The following PLCB3 variants were observed in gnomAD, a reference collection of about 807,000 sequenced individuals.
PLCB3 encodes 1-phosphatidylinositol 4,5-bisphosphate phosphodiesterase beta-3.
A neutral mutation model predicts 152.1 loss-of-function variants in PLCB3; 54 were observed. That is an observed-to-expected ratio of 0.36 (90% CI 0.29 to 0.45). The LOEUF (loss-of-function observed/expected upper bound fraction) is 0.45. Among genes scored for constraint, PLCB3 ranks in the 20% least tolerant of loss-of-function variants. PLCB3 has a pLI of 1.00. For missense variants in PLCB3, 1,248 were observed against 1,687.5 expected, an observed-to-expected ratio of 0.74 and a Z score of 4.56; for synonymous variants, 717 against 698.7, an observed-to-expected ratio of 1.03 and a Z score of -0.41.
chr11:64,255,631 G>GGGGT lies in PLCB3; in HGVS notation c.597+15_597+16insGGGT. On this transcript the variant is annotated intron_variant, in intron 7 of 30. Transcript: ENST00000279230. This position sits in a 1 kb window ranked among gnomAD's most constrained non-coding sequence, Gnocchi z 6.8. ...AATTCAACCGGGTGTGTGGGGTGGG[G>GGGGT]ACAGGGGCGGGGTGGGGTGTCACGG... 3.3e-6 allele frequency: 2 copies of GGGGT among 604,046 alleles called. No homozygotes were observed. The highest frequency in any genetic ancestry group is 6.2e-6 in the Non-Finnish European group (2 of 321,544). 37.4% of individuals were successfully genotyped at this position (604,046 alleles called of 1,614,324 possible).
rs2032044582 is a variant in PLCB3, at chr11:64,265,073, C to T, written c.2775C>T (p.Thr925=). The T allele has an allele frequency of 6.5e-7, 1 of 1,544,520 alleles. No individual in the cohort carries two copies. The highest frequency in any genetic ancestry group is 1.4e-5 in the African/African-American group (1 of 73,016). Residue 925 remains threonine, a synonymous_variant, in exon 23 of 31, where the codon ACC becomes ACT. Transcript: ENST00000279230. The stretch of plus-strand genomic sequence containing the variant: ...CCCGCCGGCCCCCTGGCCCCACCAC[C>T]TCCCCTGCCAGCACCTCCCTCAGCA... The part of the protein sequence containing the change: ...ASPRRPPGPT[T]SPASTSLSSP...
chr11:64,254,501 G>A lies in PLCB3; in HGVS notation c.177+9G>A. ...GGACGGGCCCCAACATGGTGAGGGTGGGCGCTGGTGCAGCTCGCTCAGGCC... is the reference window on the plus strand; with the variant it reads ...GGACGGGCCCCAACATGGTGAGGGTAGGCGCTGGTGCAGCTCGCTCAGGCC... On this transcript the variant is annotated intron_variant, in intron 2 of 30. Coordinates refer to ENST00000279230, the MANE Select transcript of PLCB3 (RefSeq NM_000932.5). The A allele has an allele frequency of 6.2e-7, 1 of 1,612,752 alleles. No individual in the cohort carries two copies. The highest frequency in any genetic ancestry group is 8.5e-7 in the Non-Finnish European group (1 of 1,179,118).
rs141269798 is a variant in PLCB3, at chr11:64,262,075, C to T, written c.2037C>T (p.Leu679=). 287 of 1,614,096 alleles carry T rather than the reference C, an allele frequency of 1.8e-4. 1 individual carries two copies. The South Asian group carries it at 2.5e-3, about 14-fold the overall frequency. ...TTGTTGCGCTCAACTTCCAGACCCTCGGTGAGCCCTGGCCCCCTCCATCTT... is the reference window on the plus strand; with the variant it reads ...TTGTTGCGCTCAACTTCCAGACCCTTGGTGAGCCCTGGCCCCCTCCATCTT... ...CQLVALNFQT[L]DVAMQLNAGV... is the part of the protein sequence containing the mutation. The change falls in exon 17 of 31, where the codon CTC becomes CTT. Residue 679 remains leucine, a splice_region_variant and synonymous_variant. Coordinates refer to ENST00000279230, the MANE Select transcript of PLCB3 (RefSeq NM_000932.5).
In PLCB3 at chr11:64,263,570, A is replaced by C. The variant is rs935071157; in HGVS notation, c.2428A>C (p.Ile810Leu). 6 of 1,611,364 alleles carry C rather than the reference A, an allele frequency of 3.7e-6. No individual in the cohort carries two copies. Among genetic ancestry groups the C allele is most frequent in the Non-Finnish European group, 4.2e-6 (5 of 1,178,948 alleles). The change falls in exon 20 of 31, where the codon ATC becomes CTC. Residue 810 changes from isoleucine to leucine, a missense_variant. Around this residue, in one of 6 missense-constraint regions of PLCB3, gnomAD observed 244 missense variants for 424.4 expected, o/e 0.57. Coordinates refer to ENST00000279230, the MANE Select transcript of PLCB3 (RefSeq NM_000932.5). ...GGGGGGTAAATTCGTAGGGCACCGG[A>C]TCCTGCCTGTCTCTGCCATCCGCTC... ...EEGGKFVGHR[I>L]LPVSAIRSGY...
rs2032161684 is a variant in PLCB3 at position 64,267,100 on chromosome 11, A to C, written c.3415-85A>C. On this transcript the variant is annotated intron_variant, in intron 29 of 30. Transcript: ENST00000279230. The surrounding 1 kb of genome is among the most constrained non-coding windows in gnomAD (Gnocchi z 5.2). ...TGAGCCACTGCACCCGGCCTCGCCC[A>C]CCTGACTTCTATACCCAGCCAGAGC... 7.9e-7 allele frequency: 1 copy of C among 1,260,184 alleles called. No individual in the cohort carries two copies. The highest frequency in any genetic ancestry group is 1.3e-5 in the South Asian group (1 of 77,978). 78.1% of individuals were successfully genotyped at this position (1,260,184 alleles called of 1,614,324 possible). A position where few individuals can be genotyped will look rare whatever the true frequency, so the allele number is the denominator to read the frequency against.
At position 64,255,214 on chromosome 11, in the gene PLCB3, C is replaced by A; in HGVS notation, c.388-20C>A. 2 of 1,603,158 alleles carry A rather than the reference C, an allele frequency of 1.2e-6. No homozygotes were observed. Among genetic ancestry groups the A allele is most frequent in the Non-Finnish European group, 1.7e-6 (2 of 1,170,914 alleles). On this transcript the variant is annotated intron_variant, in intron 4 of 30. Transcript: ENST00000279230. The surrounding 1 kb of genome is among the most constrained non-coding windows in gnomAD (Gnocchi z 6.8). ...CTGTGTCCCCCACTCACCGCCTCCC[C>A]GTGTATACTGGCCCCCCAGGTCTGG...
Position 64,260,326 on chromosome 11 carries a change from C to T in PLCB3, c.1731+92C>T, listed in dbSNP as rs1414947176. The T allele has an allele frequency of 3.4e-6, 3 of 875,340 alleles. No homozygotes were observed. In the African/African-American group the frequency reaches 5.1e-5, roughly 15 times the overall value. The allele number at this position is 875,340 out of a possible 1,614,324, so 54.2% of individuals were successfully genotyped here. On this transcript the variant is annotated intron_variant, in intron 14 of 30. Coordinates refer to ENST00000279230, the MANE Select transcript of PLCB3 (RefSeq NM_000932.5). ...ACCATCAACAAGACTGACATCACCC[C>T]TGCCTCCTGGGGCTCAGTGTGGGTG... is the stretch of plus-strand genomic sequence containing the variant.
At chr11:64,262,274 G>A in intron 17 of PLCB3, 133 bp from the exon 18 acceptor site, 5 of 1,308,076 alleles carry the variant, frequency 3.8e-6, no homozygotes, top group Non-Finnish European at 3.2e-6. Context: ...TCCTGGATCC[G>A]GACCCTGATG....
In PLCB3 at chr11:64,255,517, C is replaced by T. The variant is rs1290410503; in HGVS notation, c.522-24C>T. On this transcript the variant is annotated intron_variant, in intron 6 of 30. Transcript: ENST00000279230. The surrounding 1 kb of genome is among the most constrained non-coding windows in gnomAD (Gnocchi z 6.8). ...TGGTGACCTTTGTCCTCCACTGACC[C>T]TGAACCCCTCCTGCCCGCATCAGCA... The T allele has an allele frequency of 6.2e-7, 1 of 1,613,952 alleles. No individual in the cohort carries two copies. The highest frequency in any genetic ancestry group is 8.5e-7 in the Non-Finnish European group (1 of 1,179,958).
chr11:64,263,126 T>C (rs2031939416), intron 19 of PLCB3, among the ~76,000 whole-genome samples: 1 of 152,208 alleles, frequency 6.6e-6, no homozygotes, highest in African/African-American at 2.4e-5. Flanking sequence ...TCATATCCGC[T>C]CTTCAGCACC....
Position 64,267,188 on chromosome 11 carries a change from G to A in PLCB3, c.3418G>A (p.Glu1140Lys), listed in dbSNP as rs775703680. 7 of 1,549,968 alleles carry A rather than the reference G, an allele frequency of 4.5e-6. No individual in the cohort carries two copies. Among genetic ancestry groups the A allele is most frequent in the Non-Finnish European group, 6.1e-6 (7 of 1,146,974 alleles). ...GAGCCCTTGCCCACCCCTGTAGCTG[G>A]AGGAGGCCCAGAAGCAGCGGCATGA... ...TESVNSIRRL[E>K]EAQKQRHDRL... The change falls in exon 30 of 31, where the codon GAG becomes AAG. Residue 1140 changes from glutamate (E) to lysine (K), a missense_variant. Around this residue, in one of 6 missense-constraint regions of PLCB3, gnomAD observed 477 missense variants for 489.6 expected, o/e 0.97. Transcript: ENST00000279230. This position sits in a 1 kb window ranked among gnomAD's most constrained non-coding sequence, Gnocchi z 5.2.
Position 64,255,376 on chromosome 11 carries a change from C to A in PLCB3, c.468-20C>A. 6.2e-7 allele frequency: 1 copy of A among 1,614,086 alleles called. No homozygotes were observed. The highest frequency in any genetic ancestry group is 8.5e-7 in the Non-Finnish European group (1 of 1,179,990). On this transcript the variant is annotated intron_variant, in intron 5 of 30. Transcript: ENST00000279230. This position sits in a 1 kb window ranked among gnomAD's most constrained non-coding sequence, Gnocchi z 6.8. ...CACGTGGCCGTTTTCAGGGTGTGAC[C>A]TCTTCATCTGCCTTCCCAGATACAC... is the stretch of plus-strand genomic sequence containing the variant.
At position 64,259,043 on chromosome 11, in the gene PLCB3, T is replaced by C. The variant is rs779905649; in HGVS notation, c.1339-15T>C. 3 of 1,611,700 alleles carry C rather than the reference T, an allele frequency of 1.9e-6. No homozygotes were observed. Among genetic ancestry groups the C allele is most frequent in the Non-Finnish European group, 2.5e-6 (3 of 1,178,824 alleles). On this transcript the variant is annotated splice_polypyrimidine_tract_variant and intron_variant, in intron 12 of 30. Coordinates refer to ENST00000279230, the MANE Select transcript of PLCB3 (RefSeq NM_000932.5). ...GGACCCGGTCCAGGGCCCTGACTCG[T>C]CCATGCCTGCCCAGCTGGCCCCAGG... is the stretch of plus-strand genomic sequence containing the variant.
At chr11:64,265,734 G>T in intron 25 of PLCB3, 152 bp from the exon 26 acceptor site, 1 of 1,218,112 alleles carries the variant, frequency 8.2e-7, no homozygotes, top group Non-Finnish European at 1.1e-6. Context: ...CATCACTTGG[G>T]TGGAGCTAAC....
chr11:64,255,765 G>T lies in PLCB3; in HGVS notation c.642G>T (p.Glu214Asp). The T allele has an allele frequency of 6.2e-7, 1 of 1,614,150 alleles. No homozygotes were observed. Among genetic ancestry groups the T allele is most frequent in the Non-Finnish European group, 8.5e-7 (1 of 1,180,018 alleles). Residue 214 changes from glutamate to aspartate, a missense_variant, in exon 8 of 31, where the codon GAG becomes GAT. Glu to Asp is a conservative substitution (Grantham distance 45). This residue lies in a region of PLCB3 where 299 missense variants were observed against 434.7 expected (regional missense o/e 0.69). Coordinates refer to ENST00000279230, the MANE Select transcript of PLCB3 (RefSeq NM_000932.5). This position sits in a 1 kb window ranked among gnomAD's most constrained non-coding sequence, Gnocchi z 6.8. ...RPDEFSLEIF[E>D]RFLNKLCLRP... ...ATGAGTTTTCCTTGGAAATCTTTGA[G>T]CGGTTCCTGAACAAGCTGTGTCTGC...
intron 22 of PLCB3, among the ~76,000 whole-genome samples, chr11:64,264,432 G>A (rs1345991448): frequency 6.6e-6 from 1 of 152,146 alleles, no homozygotes; most frequent in African/African-American, 2.4e-5. Context: ...TGGCTTCCGT[G>A]GGGAGGGGTC....
At position 64,255,661 on chromosome 11, in the gene PLCB3, C is replaced by T. The variant is rs757407226; in HGVS notation, c.597+45C>T. ...GGGCGGGGTGGGGTGTCACGGTGGG[C>T]ACCCACCCTTACGGGGCTGCCCGCC... On this transcript the variant is annotated intron_variant, in intron 7 of 30. Coordinates refer to ENST00000279230, the MANE Select transcript of PLCB3 (RefSeq NM_000932.5). This position sits in a 1 kb window ranked among gnomAD's most constrained non-coding sequence, Gnocchi z 6.8. 15 of 1,602,862 alleles carry T rather than the reference C, an allele frequency of 9.4e-6. No homozygotes were observed. The Admixed American group carries it at 2.5e-4, about 27-fold the overall frequency.
rs1270637909 is a variant in PLCB3, at chr11:64,263,545, G to A, written c.2403G>A (p.Glu801=). The change falls in exon 20 of 31, where the codon GAG becomes GAA. Residue 801 remains glutamate, a synonymous_variant. Transcript: ENST00000279230. ...CACTTCGCATTGCAGCCTTTGAGGA[G>A]GGGGGTAAATTCGTAGGGCACCGGA... is the stretch of plus-strand genomic sequence containing the variant. ...LASLRIAAFE[E]GGKFVGHRIL... is the part of the protein sequence containing the mutation. 1 of 1,596,626 alleles carries A rather than the reference G, an allele frequency of 6.3e-7. No homozygotes were observed. Among genetic ancestry groups the A allele is most frequent in the South Asian group, 1.1e-5 (1 of 89,546 alleles).
intron 2 of PLCB3, 88 bp from the exon 3 acceptor site, chr11:64,254,660 C>A (rs2031419983): frequency 1.4e-6 from 2 of 1,470,522 alleles, no homozygotes; most frequent in Non-Finnish European, 1.9e-6. Flanking sequence ...AGGGGCTGGC[C>A]ATTCCCTGGC....
Sources: gnomAD v4.1 joint callset for allele counts (sites outside exome capture counted in the v4.1 genomes callset) on GRCh38, gnomAD v4.1.1 for gene constraint, gnomAD v4.1.1 regional missense constraint, Gnocchi (gnomAD v3.1) non-coding constraint, MANE v1.5 for transcripts, NCBI Gene and HGNC (gene_info 2026-07-23, HGNC 2026-07-21) for gene names.